TCERG1L: variants seen among roughly 807,000 people sequenced by gnomAD.
The protein encoded by TCERG1L is transcription elongation regulator 1-like protein.
In TCERG1L, 37 loss-of-function variants were observed where a neutral mutation model predicts 56.3. The ratio of observed to expected loss-of-function variants is 0.66; its 90% CI spans 0.51 to 0.87. The LOEUF is 0.87. Among genes scored for constraint, TCERG1L ranks in the 40% least tolerant of loss-of-function variants. The probability of loss-of-function intolerance (pLI) is 0.00; values close to 1 mark genes in which losing one functional copy is unlikely to be tolerated. For missense variants in TCERG1L, 799 were observed against 774.2 expected (o/e 1.03, Z -0.38); for synonymous variants, 324 against 326.3 (o/e 0.99, Z 0.08).
intron 4 of TCERG1L, among the ~76,000 whole-genome samples, chr10:131,203,507 T>C (rs1271732143): frequency 2.0e-5 from 3 of 152,226 alleles, no homozygotes; most frequent in East Asian, 3.9e-4. Flanking sequence ...TTTAAGGGAA[T>C]GCATGCACAG....
At chr10:131,296,129 C>A (rs1368014792) in intron 3 of TCERG1L, among the ~76,000 whole-genome samples, 1 of 151,958 alleles carries the variant, frequency 6.6e-6, no homozygotes, top group African/African-American at 2.4e-5. Flanking sequence ...ATGTTCAAGT[C>A]ATCAATGCAT....
chr10:131,248,071 CAT>C (rs1007437865), intron 4 of TCERG1L, among the ~76,000 whole-genome samples: 3 of 151,964 alleles, frequency 2.0e-5, no homozygotes, highest in Non-Finnish European at 4.4e-5. Context: ...CACATACTCA[CAT>C]GACTCATATG....
intron 4 of TCERG1L, among the ~76,000 whole-genome samples, chr10:131,227,392 T>C (rs1845802512): frequency 2.0e-5 from 3 of 152,336 alleles, no homozygotes; most frequent in South Asian, 2.1e-4. Context: ...GACCAAGTCA[T>C]TGGCACACAG....
At chr10:131,225,321 G>A (rs1018526716) in intron 4 of TCERG1L, among the ~76,000 whole-genome samples, 1 of 152,192 alleles carries the variant, frequency 6.6e-6, no homozygotes, top group Non-Finnish European at 1.5e-5. Flanking sequence ...ACACAGGCTG[G>A]AAAAGCATGC....
At position 131,152,615 on chromosome 10, in the gene TCERG1L, C is replaced by G. The variant is rs189485964; in HGVS notation, c.1035-5955G>C. Among the ~76,000 whole-genome samples, 831 of 152,352 alleles carry G rather than the reference C, an allele frequency of 5.5e-3. 1 individual carries two copies. Among genetic ancestry groups the G allele is most frequent in the Admixed American group, 0.012 (180 of 15,302 alleles). ...GCCCTCCAAACTGTTCCAACCTCTT[C>G]TGCTACCCATTTCCAAAGTTGCTTC... is the stretch of plus-strand genomic sequence containing the variant. On this transcript the variant is annotated intron_variant, in intron 6 of 11. Transcript: ENST00000368642.
chr10:131,295,208 T>A (rs904999166), intron 3 of TCERG1L, among the ~76,000 whole-genome samples: 2 of 152,230 alleles, frequency 1.3e-5, no homozygotes, highest in Non-Finnish European at 2.9e-5. Flanking sequence ...TCTAACCAAG[T>A]TTGTTTACCC....
In TCERG1L at chr10:131,107,285, C is replaced by T. The variant is rs555850936; in HGVS notation, c.1396-2931G>A. Among the ~76,000 whole-genome samples the T allele has an allele frequency of 2.0e-5, 3 of 152,282 alleles. No homozygotes were observed. In the East Asian group the frequency reaches 5.8e-4, roughly 29 times the overall value. On this transcript the variant is annotated intron_variant, in intron 9 of 11. Coordinates refer to ENST00000368642, the MANE Select transcript of TCERG1L (RefSeq NM_174937.4). Reference sequence around the variant, plus strand: ...GGAGAGAGGATTAGACCCTATGTGGCATAACGACACCAGTTTCTGGAAAAT... The same window carrying T: ...GGAGAGAGGATTAGACCCTATGTGGTATAACGACACCAGTTTCTGGAAAAT...
rs943314212 is a variant in TCERG1L, at chr10:131,116,867, G to A, written c.1327C>T (p.Pro443Ser). 7.6e-5 allele frequency: 121 copies of A among 1,592,176 alleles called. No individual in the cohort carries two copies. In the East Asian group the frequency reaches 2.7e-3, roughly 36 times the overall value. The change falls in exon 9 of 12, where the codon CCC becomes TCC. Residue 443 changes from proline to serine, a missense_variant. By Grantham distance (74) the Pro-to-Ser change is moderately conservative. Coordinates refer to ENST00000368642, the MANE Select transcript of TCERG1L (RefSeq NM_174937.4). ...KREDKGTRTP[P>S]PQILLPLEER... ...TCCAGAGGCAGGAGGATCTGCGGGG[G>A]CGGCGTCCTTGTGCCTTTGTCCTCT...
chr10:131,288,343 T>A (rs543522951), intron 3 of TCERG1L, among the ~76,000 whole-genome samples: 152 of 152,344 alleles, frequency 1.0e-3, no homozygotes, highest in African/African-American at 3.5e-3. Flanking sequence ...AATCTCCTAG[T>A]AAGCAGGTGC....
Position 131,175,372 on chromosome 10 carries a change from C to G in TCERG1L, c.857-8487G>C, listed in dbSNP as rs1225922664. 2.6e-5 allele frequency among the ~76,000 whole-genome samples: 4 copies of G among 152,364 alleles called. No individual in the cohort carries two copies. The East Asian group carries it at 7.7e-4, about 29-fold the overall frequency. ...GAGGCATGCCTGCAGGGTGGCATAT[C>G]AGGGCCTATGGGGAAAACCATCTTC... On this transcript the variant is annotated intron_variant, in intron 4 of 11. Transcript: ENST00000368642.
chr10:131,147,994 C>A (rs893921793), intron 6 of TCERG1L, among the ~76,000 whole-genome samples: 1 of 152,258 alleles, frequency 6.6e-6, no homozygotes, highest in Non-Finnish European at 1.5e-5. Flanking sequence ...CAACCCTGGG[C>A]AGACCAGGAC....
At chr10:131,245,606 T>C (rs1462082572) in intron 4 of TCERG1L, among the ~76,000 whole-genome samples, 1 of 152,172 alleles carries the variant, frequency 6.6e-6, no homozygotes, top group Non-Finnish European at 1.5e-5. Flanking sequence ...AAACTACGTG[T>C]CCTGCCCACA....
At chr10:131,287,275 C>T (rs1846555912) in intron 3 of TCERG1L, among the ~76,000 whole-genome samples, 2 of 152,140 alleles carry the variant, frequency 1.3e-5, no homozygotes, top group Admixed American at 6.5e-5. Flanking sequence ...CCTCTCCATA[C>T]TTATTTTCTT....
intron 4 of TCERG1L, among the ~76,000 whole-genome samples, chr10:131,176,845 C>CACACAGTGTACACACACAGAG (rs766078845): frequency 2.3e-4 from 2 of 8,590 alleles, no homozygotes; most frequent in African/African-American, 5.1e-4. Flanking sequence ...CACACAGGCA[C>CACACAGTGTACACACACAGAG]ATAGGAACAC....
intron 8 of TCERG1L, among the ~76,000 whole-genome samples, chr10:131,117,890 T>C (rs1369610292): frequency 6.6e-6 from 1 of 152,252 alleles, no homozygotes; most frequent in Non-Finnish European, 1.5e-5. Flanking sequence ...GCTGGAAGAA[T>C]GTGTCTGGCC....
chr10:131,159,444 G>A (rs193247788), intron 6 of TCERG1L, among the ~76,000 whole-genome samples: 5 of 152,198 alleles, frequency 3.3e-5, no homozygotes, highest in South Asian at 2.1e-4. Context: ...AGTTCACGGC[G>A]GCCACAGTCT....
rs191114176 is a variant in TCERG1L, at chr10:131,111,027, G to T, written c.1395+5772C>A. Among the ~76,000 whole-genome samples, 2 of 143,378 alleles carry T rather than the reference G, an allele frequency of 1.4e-5. 1 individual carries two copies. Among genetic ancestry groups the T allele is most frequent in the Non-Finnish European group, 3.1e-5 (2 of 63,560 alleles). 94.1% of individuals were successfully genotyped at this position (143,378 alleles called of 152,430 possible). ...TCCCTGGATCATGGAAAAGGCCAGCGATCCTGATGACCAGAGAAAAGGGCG... is the reference window on the plus strand; with the variant it reads ...TCCCTGGATCATGGAAAAGGCCAGCTATCCTGATGACCAGAGAAAAGGGCG... On this transcript the variant is annotated intron_variant, in intron 9 of 11. Coordinates refer to ENST00000368642, the MANE Select transcript of TCERG1L (RefSeq NM_174937.4).
intron 7 of TCERG1L, among the ~76,000 whole-genome samples, chr10:131,136,234 C>A (rs1845674012): frequency 1.3e-5 from 2 of 152,246 alleles, no homozygotes; most frequent in Non-Finnish European, 1.5e-5. Flanking sequence ...TCTGCGCGTG[C>A]TCCACAGCCC....
rs1437800774 is a variant in TCERG1L at position 131,144,309 on chromosome 10, A to C, written c.1189+2197T>G. Among the ~76,000 whole-genome samples, 6 of 152,288 alleles carry C rather than the reference A, an allele frequency of 3.9e-5. No individual in the cohort carries two copies. In the South Asian group the frequency reaches 8.3e-4, roughly 21 times the overall value. ...ACTCTCCACTCAAACCATCTCCCCT[A>C]GGCTTGTTATCATAATTAGGGTTAA... is the stretch of plus-strand genomic sequence containing the variant. On this transcript the variant is annotated intron_variant, in intron 7 of 11. Transcript: ENST00000368642.
Sources: gnomAD v4.1 joint callset for allele counts (sites outside exome capture counted in the v4.1 genomes callset) on GRCh38, gnomAD v4.1.1 for gene constraint, MANE v1.5 for transcripts, NCBI Gene and HGNC (gene_info 2026-07-23, HGNC 2026-07-21) for gene names.